The following TRPM3 variants were observed in gnomAD, a reference collection of about 807,000 sequenced individuals.
TRPM3 encodes the protein long transient receptor potential channel 3.
Under a neutral mutation model 181.2 loss-of-function variants are expected in TRPM3, and 77 were observed. The observed-to-expected ratio is 0.42, with a 90% CI of 0.35 to 0.51. The LOEUF (loss-of-function observed/expected upper bound fraction) is 0.51, where lower values mean the gene tolerates loss of function less well. Among genes scored for constraint, TRPM3 ranks in the 20% least tolerant of loss-of-function variants. The probability of loss-of-function intolerance (pLI) is 0.01; values close to 1 mark genes in which losing one functional copy is unlikely to be tolerated. For missense variants in TRPM3, 1,759 were observed against 2,196.7 expected, an observed-to-expected ratio of 0.80 and a Z score of 3.98; for synonymous variants, 745 against 796.4, an observed-to-expected ratio of 0.94 and a Z score of 1.09.
intron 25 of TRPM3, among the ~76,000 whole-genome samples, chr9:70,542,350 G>A (rs2043644087): frequency 6.6e-6 from 1 of 152,218 alleles, no homozygotes; most frequent in African/African-American, 2.4e-5. Flanking sequence ...GAGAGGAAGA[G>A]ATGCTATGAG....
intron 1 of TRPM3, among the ~76,000 whole-genome samples, chr9:70,997,515 G>T (rs1014238634): frequency 5.3e-5 from 8 of 151,698 alleles, no homozygotes; most frequent in Admixed American, 2.0e-4. Context: ...ACTTTTTTTT[G>T]GTTTCCTTTC....
At chr9:70,701,463 CGGTG>C (rs2072539454) in intron 8 of TRPM3, among the ~76,000 whole-genome samples, 1 of 152,156 alleles carries the variant, frequency 6.6e-6, no homozygotes. Flanking sequence ...AGCACAGAAG[CGGTG>C]GTTTCTGTGG....
At chr9:71,091,659 A>G (rs180788662) in intron 1 of TRPM3, among the ~76,000 whole-genome samples, 36 of 152,282 alleles carry the variant, frequency 2.4e-4, no homozygotes, top group African/African-American at 8.4e-4. Flanking sequence ...AGTTACTCCA[A>G]TAAATTTCTT....
At chr9:70,960,923 G>C (rs1378442951) in intron 1 of TRPM3, among the ~76,000 whole-genome samples, 3 of 152,168 alleles carry the variant, frequency 2.0e-5, no homozygotes, top group Non-Finnish European at 4.4e-5. Flanking sequence ...GCCCATCACT[G>C]AAAGTGTTCC....
intron 8 of TRPM3, among the ~76,000 whole-genome samples, chr9:70,683,828 G>A (rs2066095947): frequency 6.6e-6 from 1 of 152,132 alleles, no homozygotes; most frequent in Non-Finnish European, 1.5e-5. Flanking sequence ...ACTCAGGAAG[G>A]GATTCCTGAA....
At position 70,536,282 on chromosome 9, in the gene TRPM3, CCTCA is replaced by C; in HGVS notation, c.4827_4830del (p.Ser1609ArgfsTer35). The C allele has an allele frequency of 6.2e-7, 1 of 1,614,184 alleles. No homozygotes were observed. The highest frequency in any genetic ancestry group is 8.5e-7 in the Non-Finnish European group (1 of 1,180,044). ...GCTCTGCGGCCTTTGGCCTCATTCT[CCTCA>C]CTGTCAGAGCTGGGGTGACTCAGTT... On this transcript the variant is annotated frameshift_variant, in exon 26 of 26. Transcript: ENST00000677713. LOFTEE classifies it high-confidence loss of function.
rs139964403 is a variant in TRPM3, at chr9:71,207,264, C to G, written c.183+239389G>C. Among the ~76,000 whole-genome samples the G allele has an allele frequency of 1.3e-3, 196 of 152,182 alleles. 1 individual carries two copies. Among genetic ancestry groups the G allele is most frequent in the Non-Finnish European group, 2.0e-3 (139 of 67,956 alleles). ...CGCATTTCTGAGATAAATAATACATCTCTTACATATTTCATCATTTTAAAT... is the reference window on the plus strand; with the variant it reads ...CGCATTTCTGAGATAAATAATACATGTCTTACATATTTCATCATTTTAAAT... On this transcript the variant is annotated intron_variant, in intron 1 of 24. Coordinates refer to the TRPM3 transcript ENST00000357533.
chr9:70,605,064 C>T (rs957316575), intron 19 of TRPM3, among the ~76,000 whole-genome samples: 5 of 149,780 alleles, frequency 3.3e-5, no homozygotes, highest in South Asian at 2.1e-4. Flanking sequence ...AAGCGATTCT[C>T]GTGCCTCAGC....
At chr9:71,354,784 A>G (rs574585652) in intron 1 of TRPM3, among the ~76,000 whole-genome samples, 1 of 152,334 alleles carries the variant, frequency 6.6e-6, no homozygotes, top group East Asian at 1.9e-4. Flanking sequence ...AAAATGCTCC[A>G]GTTAGGTAAA....
intron 1 of TRPM3, among the ~76,000 whole-genome samples, chr9:71,427,461 G>A (rs954918535): frequency 6.6e-6 from 1 of 151,960 alleles, no homozygotes; most frequent in Non-Finnish European, 1.5e-5. Flanking sequence ...CATAGATAAT[G>A]GTCACTAAAA....
intron 1 of TRPM3, among the ~76,000 whole-genome samples, chr9:71,426,853 G>A (rs2093872776): frequency 6.6e-6 from 1 of 151,674 alleles, no homozygotes; most frequent in Non-Finnish European, 1.5e-5. Context: ...TAATCCCAGA[G>A]GTAATTCTCG....
At chr9:70,917,118 T>C (rs1320155716) in intron 1 of TRPM3, 11 of 1,604,352 alleles carry the variant, frequency 6.9e-6, no homozygotes, top group Admixed American at 5.0e-5. Context: ...CACATTTCCA[T>C]AGGGGTTCGG....
Position 71,209,120 on chromosome 9 carries a change from A to C in TRPM3, c.183+237533T>G, listed in dbSNP as rs543982512. Among the ~76,000 whole-genome samples, 337 of 152,218 alleles carry C rather than the reference A, an allele frequency of 2.2e-3. 2 individuals carry two copies. The highest frequency in any genetic ancestry group is 0.017 in the Middle Eastern group (5 of 294). On this transcript the variant is annotated intron_variant, in intron 1 of 24. Coordinates refer to the TRPM3 transcript ENST00000357533. The stretch of plus-strand genomic sequence containing the variant: ...GAATGGGAAAGAGTAATTAGCAAAT[A>C]GATGCCTCGTTTATATTATGTACCA...
intron 1 of TRPM3, among the ~76,000 whole-genome samples, chr9:70,956,144 A>G (rs2097067502): frequency 6.6e-6 from 1 of 152,136 alleles, no homozygotes. Context: ...GTGTTTCAGG[A>G]TAAGGATTAA....
At chr9:70,931,176 A>G (rs1487127766) in intron 1 of TRPM3, among the ~76,000 whole-genome samples, 1 of 152,146 alleles carries the variant, frequency 6.6e-6, no homozygotes, top group East Asian at 1.9e-4. Flanking sequence ...GGTTTCTGGC[A>G]TAATGGTAAT....
intron 22 of TRPM3, among the ~76,000 whole-genome samples, chr9:70,557,873 T>C (rs1335533706): frequency 6.6e-6 from 1 of 152,220 alleles, no homozygotes; most frequent in Non-Finnish European, 1.5e-5. Flanking sequence ...TACAGAGTCC[T>C]TCTAGTGGAT....
intron 8 of TRPM3, among the ~76,000 whole-genome samples, chr9:70,681,990 C>T (rs879251726): frequency 3.3e-5 from 5 of 152,130 alleles, no homozygotes; most frequent in African/African-American, 9.7e-5. Flanking sequence ...CCTCCCACCA[C>T]GTGAGGACAC....
At chr9:70,621,332 TAAG>T (rs952262006) in intron 14 of TRPM3, 59 bp from the exon 15 acceptor site, 5 of 1,301,536 alleles carry the variant, frequency 3.8e-6, no homozygotes, top group Non-Finnish European at 5.4e-6. Context: ...TTCATAAAGG[TAAG>T]AAGAGTCCTA....
chr9:70,689,632 T>G (rs1357305376), intron 8 of TRPM3, among the ~76,000 whole-genome samples: 1 of 152,090 alleles, frequency 6.6e-6, no homozygotes, highest in East Asian at 1.9e-4. Context: ...ATAGGCTATT[T>G]TTTTGAGACT....
Sources: gnomAD v4.1 joint callset for allele counts (sites outside exome capture counted in the v4.1 genomes callset) on GRCh38, gnomAD v4.1.1 for gene constraint, MANE v1.5 for transcripts, NCBI Gene and HGNC (gene_info 2026-07-23, HGNC 2026-07-21) for gene names.